Variants in VIT observed in about 807,000 individuals in gnomAD.
VIT encodes vitrin.
In VIT, 99 loss-of-function variants were observed where a neutral mutation model predicts 78.0. The ratio of observed to expected loss-of-function variants is 1.27; its 90% CI spans 1.08 to 1.50. VIT has a LOEUF of 1.50. Among genes scored for constraint, VIT ranks in the 40% most tolerant of loss-of-function variants. VIT has a pLI of 0.00. For synonymous variants in VIT, 374 were observed against 334.3 expected (o/e 1.12, Z -1.29); for missense variants, 1,126 against 875.3 (o/e 1.29, Z -3.61).
chr2:36,712,676 A>C (rs911302831), intron 1 of VIT, among the ~76,000 whole-genome samples: 1 of 152,126 alleles, frequency 6.6e-6, no homozygotes, highest in Non-Finnish European at 1.5e-5. Flanking sequence ...TCTGTACTAA[A>C]AATACAAAAA....
chr2:36,797,544 G>C (rs1303475070), intron 12 of VIT, among the ~76,000 whole-genome samples: 1 of 152,180 alleles, frequency 6.6e-6, no homozygotes, highest in African/African-American at 2.4e-5. Context: ...ATGGGTGGTT[G>C]GGTGGATCAG....
chr2:36,754,942 A>G lies in VIT; in HGVS notation c.297A>G (p.Gly99=). Residue 99 remains glycine, a synonymous_variant, in exon 5 of 16, where the codon GGA becomes GGG. Transcript: ENST00000379242. ...AVHSGVLDNS[G]GKILVRKVAG... ...ATAGTGGTGTGCTTGATAATTCAGG[A>G]GGGAAAATACTTGTTCGGAAGGTTG... 1.2e-6 allele frequency: 2 copies of G among 1,613,950 alleles called. No individual in the cohort carries two copies. The highest frequency in any genetic ancestry group is 1.7e-6 in the Non-Finnish European group (2 of 1,179,936).
chr2:36,782,888 T>C (rs971612987), intron 10 of VIT, among the ~76,000 whole-genome samples: 1 of 152,212 alleles, frequency 6.6e-6, no homozygotes, highest in African/African-American at 2.4e-5. Flanking sequence ...AGATTGTCCT[T>C]CTTGTGCCTT....
At chr2:36,727,730 T>C (rs1666940196) in intron 2 of VIT, among the ~76,000 whole-genome samples, 1 of 152,242 alleles carries the variant, frequency 6.6e-6, no homozygotes. Context: ...GTAATGGAGA[T>C]GAAAAATTCC....
At chr2:36,811,649 T>G (rs1667178085) in intron 15 of VIT, among the ~76,000 whole-genome samples, 1 of 151,922 alleles carries the variant, frequency 6.6e-6, no homozygotes, top group East Asian at 1.9e-4. Flanking sequence ...ACTAAATTTA[T>G]TTTCTTTTTT....
chr2:36,738,534 A>G (rs926370867), intron 3 of VIT, among the ~76,000 whole-genome samples: 1 of 152,142 alleles, frequency 6.6e-6, no homozygotes, highest in African/African-American at 2.4e-5. Context: ...CTGTCATCCA[A>G]TCACTCCATC....
At chr2:36,810,591 T>C (rs1217795239) in intron 15 of VIT, among the ~76,000 whole-genome samples, 1 of 151,774 alleles carries the variant, frequency 6.6e-6, no homozygotes, top group Non-Finnish European at 1.5e-5. Context: ...TATACACAAC[T>C]CACTCAGTGC....
intron 12 of VIT, among the ~76,000 whole-genome samples, chr2:36,792,610 C>T (rs886116223): frequency 6.6e-6 from 1 of 152,154 alleles, no homozygotes; most frequent in Non-Finnish European, 1.5e-5. Context: ...ATGCCCAGAC[C>T]AAACTTCACA....
chr2:36,780,654 C>T (rs1048053788), intron 9 of VIT, among the ~76,000 whole-genome samples: 2 of 152,158 alleles, frequency 1.3e-5, no homozygotes, highest in African/African-American at 2.4e-5. Flanking sequence ...TAACAGATTG[C>T]CTTTCAAAAC....
intron 13 of VIT, among the ~76,000 whole-genome samples, chr2:36,804,644 A>G (rs1299104111): frequency 2.0e-5 from 3 of 152,172 alleles, no homozygotes; most frequent in Non-Finnish European, 4.4e-5. Context: ...ATCCTGGCCA[A>G]CATGGTGAAA....
chr2:36,778,270 C>T (rs1037125674), intron 9 of VIT, among the ~76,000 whole-genome samples: 2 of 152,230 alleles, frequency 1.3e-5, no homozygotes, highest in African/African-American at 4.8e-5. Context: ...GAGTCATCAG[C>T]AACACCACTG....
At chr2:36,736,526 C>T (rs570559592) in intron 3 of VIT, among the ~76,000 whole-genome samples, 5 of 152,324 alleles carry the variant, frequency 3.3e-5, no homozygotes, top group African/African-American at 1.2e-4. Context: ...AATGAAGCTG[C>T]AGAAGAGCCC....
chr2:36,772,440 G>A (rs1669819792), intron 7 of VIT, among the ~76,000 whole-genome samples: 1 of 152,222 alleles, frequency 6.6e-6, no homozygotes, highest in Non-Finnish European at 1.5e-5. Context: ...GGAGGCTGAG[G>A]CAGGAGATCA....
At chr2:36,725,516 A>G (rs1666778884) in intron 2 of VIT, among the ~76,000 whole-genome samples, 1 of 141,802 alleles carries the variant, frequency 7.1e-6, no homozygotes, top group African/African-American at 2.7e-5. Context: ...GCTCACTGTC[A>G]AGACCTGTGA....
intron 1 of VIT, among the ~76,000 whole-genome samples, chr2:36,710,030 C>A (rs761710424): frequency 6.6e-6 from 1 of 152,120 alleles, no homozygotes; most frequent in African/African-American, 2.4e-5. Flanking sequence ...ACTGCTGCAG[C>A]TTCCCATTTG....
chr2:36,727,961 C>T (rs927744195), intron 2 of VIT, among the ~76,000 whole-genome samples: 2 of 152,210 alleles, frequency 1.3e-5, no homozygotes, highest in African/African-American at 4.8e-5. Context: ...TGAAGTCTCA[C>T]TCTGTCGCCC....
At chr2:36,712,068 T>C (rs1356953279) in intron 1 of VIT, among the ~76,000 whole-genome samples, 1 of 152,188 alleles carries the variant, frequency 6.6e-6, no homozygotes, top group Non-Finnish European at 1.5e-5. Flanking sequence ...CTCTGTGACA[T>C]TGGACTGCCT....
intron 6 of VIT, among the ~76,000 whole-genome samples, chr2:36,762,335 T>C (rs1222366146): frequency 4.6e-5 from 7 of 152,226 alleles, no homozygotes; most frequent in Non-Finnish European, 7.3e-5. Context: ...TAGGCATTAC[T>C]ATCATCTCCT....
intron 12 of VIT, among the ~76,000 whole-genome samples, chr2:36,794,047 T>G (rs1037070175): frequency 2.6e-5 from 4 of 152,220 alleles, no homozygotes; most frequent in African/African-American, 4.8e-5. Flanking sequence ...GAAACACTGA[T>G]GATCCATCCA....
Sources: allele counts gnomAD v4.1 joint callset (sites outside exome capture counted in the v4.1 genomes callset), GRCh38; gene constraint gnomAD v4.1.1; transcripts MANE v1.5; gene names NCBI Gene and HGNC (gene_info 2026-07-23, HGNC 2026-07-21).